ATP8B1: variants seen among roughly 807,000 people sequenced by gnomAD.
ATP8B1 encodes the protein ATPase phospholipid transporting 8B1.
In ATP8B1, 80 loss-of-function variants were observed where a neutral mutation model predicts 149.9. The observed-to-expected ratio is 0.53, with a 90% CI of 0.45 to 0.64. ATP8B1 has a LOEUF of 0.64. Among genes scored for constraint, ATP8B1 ranks in the 30% least tolerant of loss-of-function variants. The probability of loss-of-function intolerance (pLI) is 0.00; values close to 1 mark genes in which losing one functional copy is unlikely to be tolerated. For missense variants in ATP8B1, 1,247 were observed against 1,552.6 expected, an observed-to-expected ratio of 0.80 and a Z score of 3.31; for synonymous variants, 536 against 562.8, an observed-to-expected ratio of 0.95 and a Z score of 0.67.
At chr18:57,704,339 A>G (rs538481880) in intron 4 of ATP8B1, among the ~76,000 whole-genome samples, 1 of 152,312 alleles carries the variant, frequency 6.6e-6, no homozygotes, top group African/African-American at 2.4e-5. Flanking sequence ...AATTTTTTAA[A>G]ATACAGAATT....
intron 2 of ATP8B1, among the ~76,000 whole-genome samples, chr18:57,711,776 G>A (rs539720704): frequency 6.6e-6 from 1 of 152,156 alleles, no homozygotes; most frequent in South Asian, 2.1e-4. Flanking sequence ...TTTTTGTAAA[G>A]ATGAGGTCTT....
chr18:57,664,501 G>GAC (rs1555689143), intron 20 of ATP8B1, among the ~76,000 whole-genome samples: 8 of 99,494 alleles, frequency 8.0e-5, no homozygotes, highest in Non-Finnish European at 1.5e-4. Context: ...GTCTTTCTAA[G>GAC]AAAAAAAAAA....
At chr18:57,653,682 C>CTTTTTTTTTTTTTTT (rs71171057) in intron 24 of ATP8B1, among the ~76,000 whole-genome samples, 1 of 117,822 alleles carries the variant, frequency 8.5e-6, no homozygotes, top group African/African-American at 3.4e-5. Context: ...CCTCTTTTCT[C>CTTTTTTTTTTTTTTT]TTTTTTTTTT....
intron 1 of ATP8B1, among the ~76,000 whole-genome samples, chr18:57,779,439 G>T (rs2080338693): frequency 6.6e-6 from 1 of 152,218 alleles, no homozygotes; most frequent in Non-Finnish European, 1.5e-5. Flanking sequence ...CACAGGCAGA[G>T]CTGAAAGGCT....
intron 1 of ATP8B1, among the ~76,000 whole-genome samples, chr18:57,753,315 A>T (rs898611228): frequency 6.6e-6 from 1 of 152,242 alleles, no homozygotes; most frequent in Non-Finnish European, 1.5e-5. Flanking sequence ...TGGAAATAAT[A>T]TGGAAAGAGA....
intron 2 of ATP8B1, among the ~76,000 whole-genome samples, chr18:57,720,855 G>C (rs1347395038): frequency 6.6e-6 from 1 of 151,700 alleles, no homozygotes; most frequent in Non-Finnish European, 1.5e-5. Context: ...AGAAAGGTTG[G>C]GTTACCCTCA....
chr18:57,796,396 A>G (rs917528063), intron 1 of ATP8B1, among the ~76,000 whole-genome samples: 2 of 152,178 alleles, frequency 1.3e-5, no homozygotes, highest in African/African-American at 2.4e-5. Flanking sequence ...CTGTATTCCC[A>G]ACTACTCGGG....
At chr18:57,787,808 C>T (rs1193997317) in intron 1 of ATP8B1, among the ~76,000 whole-genome samples, 4 of 152,074 alleles carry the variant, frequency 2.6e-5, no homozygotes, top group African/African-American at 9.7e-5. Flanking sequence ...AGAAAAAACA[C>T]CTTTAAAATA....
chr18:57,705,893 C>T (rs1599136521), intron 3 of ATP8B1, among the ~76,000 whole-genome samples: 1 of 152,158 alleles, frequency 6.6e-6, no homozygotes. Flanking sequence ...CAGAGTCTCA[C>T]TCCTGTCACC....
At position 57,655,442 on chromosome 18, in the gene ATP8B1, T is replaced by C. The variant is rs772363096; in HGVS notation, c.2708-25A>G. 2.5e-6 allele frequency: 4 copies of C among 1,602,608 alleles called. No homozygotes were observed. In the African/African-American group the frequency reaches 4.0e-5, roughly 16 times the overall value. ...GCTATGGGGCAGAGGGAGAAAACAC[T>C]GTGGATCATAAACCGATTGTGAGGC... is the stretch of plus-strand genomic sequence containing the variant. On this transcript the variant is annotated intron_variant, in intron 22 of 27. Coordinates refer to ENST00000648908, the MANE Select transcript of ATP8B1 (RefSeq NM_001374385.1).
chr18:57,771,953 G>A (rs1201596585), intron 1 of ATP8B1, among the ~76,000 whole-genome samples: 1 of 151,980 alleles, frequency 6.6e-6, no homozygotes, highest in Non-Finnish European at 1.5e-5. Flanking sequence ...CTAATTAGTC[G>A]GCAGACATCT....
intron 1 of ATP8B1, among the ~76,000 whole-genome samples, chr18:57,773,204 A>C (rs1276486515): frequency 6.6e-6 from 1 of 150,446 alleles, no homozygotes; most frequent in Non-Finnish European, 1.5e-5. Flanking sequence ...TCTGTCTTAA[A>C]AAAAAAAAAA....
chr18:57,752,607 C>T (rs28609384), intron 1 of ATP8B1, among the ~76,000 whole-genome samples: 15,730 of 152,090 alleles, frequency 0.1, 925 homozygotes, highest in African/African-American at 0.16. Context: ...TTATATTTCC[C>T]CCTTCGATAA....
At chr18:57,736,716 T>C (rs1299071546) in intron 1 of ATP8B1, among the ~76,000 whole-genome samples, 1 of 150,834 alleles carries the variant, frequency 6.6e-6, no homozygotes, top group Non-Finnish European at 1.5e-5. Flanking sequence ...AGGCTTGGGC[T>C]CCCAAAGTGC....
Position 57,648,258 on chromosome 18 carries a change from T to G in ATP8B1, c.*230A>C. 1 of 620,066 alleles carries G rather than the reference T, an allele frequency of 1.6e-6. No homozygotes were observed. Among genetic ancestry groups the G allele is most frequent in the Non-Finnish European group, 2.9e-6 (1 of 348,212 alleles). 38.4% of individuals were successfully genotyped at this position (620,066 alleles called of 1,614,324 possible). A position where few individuals can be genotyped will look rare whatever the true frequency, so the allele number is the denominator to read the frequency against. On this transcript the variant is annotated 3_prime_UTR_variant, in exon 28 of 28. Coordinates refer to ENST00000648908, the MANE Select transcript of ATP8B1 (RefSeq NM_001374385.1). ...TCCTCAGCCTCCTAAAGTGCTGGGA[T>G]TACAGACCTGAGCCACCACGCCCGG...
chr18:57,727,601 C>T (rs188277001), intron 2 of ATP8B1, among the ~76,000 whole-genome samples: 125 of 152,180 alleles, frequency 8.2e-4, no homozygotes, highest in African/African-American at 2.8e-3. Context: ...CCATCCTGGC[C>T]AACATGGTGA....
intron 16 of ATP8B1, 135 bp from the exon 17 acceptor site, chr18:57,671,715 C>A: frequency 1.5e-6 from 1 of 659,916 alleles, no homozygotes. Flanking sequence ...CTCGACCCCC[C>A]AGGCTCAAGC....
chr18:57,694,723 G>T, intron 10 of ATP8B1, 53 bp from the exon 11 acceptor site: 1 of 1,194,138 alleles, frequency 8.4e-7, no homozygotes, highest in Non-Finnish European at 1.2e-6. Flanking sequence ...CAATTCACTA[G>T]CTCACCAATA....
In ATP8B1 at chr18:57,701,320, G is replaced by A. The variant is rs370252509; in HGVS notation, c.394-7C>T. On this transcript the variant is annotated splice_region_variant and splice_polypyrimidine_tract_variant and intron_variant, in intron 4 of 27. Transcript: ENST00000648908. ...TAGAGATTTGAGGAACTGCCTAAAA[G>A]AATAAAAGGGCTTATGTGTGTGTCC... 51 of 1,609,680 alleles carry A rather than the reference G, an allele frequency of 3.2e-5. No individual in the cohort carries two copies. Among genetic ancestry groups the A allele is most frequent in the Admixed American group, 8.3e-5 (5 of 59,986 alleles).
Sources: allele counts gnomAD v4.1 joint callset (sites outside exome capture counted in the v4.1 genomes callset), GRCh38; gene constraint gnomAD v4.1.1; transcripts MANE v1.5; gene names NCBI Gene and HGNC (gene_info 2026-07-23, HGNC 2026-07-21).